Variants in POU6F2 observed in about 807,000 individuals in gnomAD.
The protein encoded by POU6F2 is POU class 6 homeobox 2.
POU6F2 carries 31 observed loss-of-function variants against 71.3 expected under a neutral mutation model. The ratio of observed to expected loss-of-function variants is 0.43; its 90% CI spans 0.33 to 0.59. The LOEUF is 0.59. Ranked by LOEUF, POU6F2 falls within the 20% of genes least tolerant of loss-of-function variation. POU6F2 has a pLI of 0.04. For missense variants in POU6F2, 783 were observed against 856.8 expected, an observed-to-expected ratio of 0.91 and a Z score of 1.07; for synonymous variants, 347 against 355.7, an observed-to-expected ratio of 0.98 and a Z score of 0.27.
At chr7:39,099,770 T>C (rs527984278) in intron 2 of POU6F2, among the ~76,000 whole-genome samples, 20 of 152,286 alleles carry the variant, frequency 1.3e-4, no homozygotes, top group African/African-American at 4.6e-4. Flanking sequence ...CATGGTGGTG[T>C]TTAATAATGA....
rs185059281 is a variant in POU6F2, at chr7:39,220,317, A to G, written c.598+12697A>G. On this transcript the variant is annotated intron_variant, in intron 4 of 9. Coordinates refer to ENST00000518318, the MANE Select transcript of POU6F2 (RefSeq NM_001370959.1). ...AGACAAAAGAATCTAAGATGGCAGTAGCATACCAAGCTAAATTATATCAGT... is the reference window on the plus strand; with the variant it reads ...AGACAAAAGAATCTAAGATGGCAGTGGCATACCAAGCTAAATTATATCAGT... 2.2e-3 allele frequency among the ~76,000 whole-genome samples: 332 copies of G among 152,340 alleles called. 2 individuals carry two copies. The highest frequency in any genetic ancestry group is 0.015 in the South Asian group (72 of 4,828).
At chr7:39,087,368 T>C (rs1045074736) in intron 2 of POU6F2, among the ~76,000 whole-genome samples, 1 of 152,130 alleles carries the variant, frequency 6.6e-6, no homozygotes, top group Admixed American at 6.6e-5. Flanking sequence ...TGTTTTATGC[T>C]TAACAATATA....
At chr7:39,360,532 C>T (rs549652021) in intron 5 of POU6F2, among the ~76,000 whole-genome samples, 14 of 152,300 alleles carry the variant, frequency 9.2e-5, no homozygotes, top group East Asian at 1.9e-4. Context: ...TAAAATATCA[C>T]GTAGGGCACT....
intron 6 of POU6F2, among the ~76,000 whole-genome samples, chr7:39,421,463 C>T (rs1252608906): frequency 3.3e-5 from 5 of 152,110 alleles, no homozygotes; most frequent in Admixed American, 6.6e-5. Flanking sequence ...TGGCACGCTT[C>T]GTTCCCCACC....
intron 4 of POU6F2, among the ~76,000 whole-genome samples, chr7:39,310,884 G>A (rs1340260932): frequency 6.6e-6 from 1 of 152,140 alleles, no homozygotes; most frequent in Non-Finnish European, 1.5e-5. Flanking sequence ...AGACAGAGGT[G>A]AAGAGCTGCT....
intron 4 of POU6F2, among the ~76,000 whole-genome samples, chr7:39,214,812 A>G (rs757255523): frequency 4.6e-5 from 7 of 152,220 alleles, no homozygotes; most frequent in Non-Finnish European, 4.4e-5. Context: ...TGTCTGTTCA[A>G]TGAAAATTGG....
At chr7:39,083,619 C>T (rs1268684216) in intron 1 of POU6F2, 1 of 152,050 alleles carries the variant, frequency 6.6e-6, no homozygotes, top group East Asian at 1.9e-4. Context: ...CTGCCTCCCC[C>T]ATCTACCCCA....
chr7:39,348,414 G>A (rs897469024), intron 5 of POU6F2, among the ~76,000 whole-genome samples: 3 of 152,214 alleles, frequency 2.0e-5, no homozygotes, highest in East Asian at 1.9e-4. Context: ...TCTAACTGGA[G>A]TAACCATGAT....
At chr7:39,357,596 G>T (rs1583548344) in intron 5 of POU6F2, among the ~76,000 whole-genome samples, 1 of 152,004 alleles carries the variant, frequency 6.6e-6, no homozygotes, top group Admixed American at 6.6e-5. Context: ...ATAAATTATT[G>T]GGCCTTTTAC....
At chr7:39,269,625 T>A (rs918950164) in intron 4 of POU6F2, among the ~76,000 whole-genome samples, 1 of 152,374 alleles carries the variant, frequency 6.6e-6, no homozygotes, top group Middle Eastern at 3.4e-3. Flanking sequence ...AGAATCTGCC[T>A]TCCCAGGTGC....
intron 2 of POU6F2, among the ~76,000 whole-genome samples, chr7:39,137,353 G>A (rs1792408319): frequency 6.6e-6 from 1 of 152,050 alleles, no homozygotes; most frequent in South Asian, 2.1e-4. Context: ...CAAGGGACAT[G>A]TCAAATAAAT....
intron 1 of POU6F2, among the ~76,000 whole-genome samples, chr7:38,985,193 C>T (rs142425249): frequency 1.1e-4 from 17 of 152,108 alleles, no homozygotes; most frequent in Non-Finnish European, 1.6e-4. Context: ...GACTATGGCA[C>T]GCCAAACTTG....
At chr7:39,251,186 A>G (rs1488589025) in intron 4 of POU6F2, among the ~76,000 whole-genome samples, 1 of 152,164 alleles carries the variant, frequency 6.6e-6, no homozygotes, top group African/African-American at 2.4e-5. Context: ...GGGCTCTATC[A>G]TTTTTAATTC....
chr7:39,165,856 C>G (rs555696959), intron 2 of POU6F2, among the ~76,000 whole-genome samples: 1 of 152,296 alleles, frequency 6.6e-6, no homozygotes, highest in African/African-American at 2.4e-5. Flanking sequence ...TAGGAACTGA[C>G]CAGCCACACA....
intron 1 of POU6F2, among the ~76,000 whole-genome samples, chr7:39,001,350 G>A (rs1381799313): frequency 1.3e-5 from 2 of 151,916 alleles, no homozygotes; most frequent in South Asian, 4.2e-4. Flanking sequence ...TCGAGTACTT[G>A]TTATGGGTCA....
At chr7:39,068,565 A>G (rs895480558) in intron 1 of POU6F2, among the ~76,000 whole-genome samples, 5 of 151,898 alleles carry the variant, frequency 3.3e-5, no homozygotes, top group African/African-American at 7.3e-5. Flanking sequence ...CAGGGAAAAT[A>G]TGGCTTTAAA....
At chr7:39,043,771 G>A (rs946661980) in intron 1 of POU6F2, among the ~76,000 whole-genome samples, 1 of 151,870 alleles carries the variant, frequency 6.6e-6, no homozygotes, top group African/African-American at 2.4e-5. Context: ...ACCTGGCATG[G>A]ACTTGGTTTT....
chr7:39,385,170 A>G (rs1040898841), intron 5 of POU6F2, among the ~76,000 whole-genome samples: 2 of 152,244 alleles, frequency 1.3e-5, no homozygotes, highest in African/African-American at 2.4e-5. Context: ...ATAATTGCTA[A>G]TTAAATTTAA....
intron 4 of POU6F2, among the ~76,000 whole-genome samples, chr7:39,311,504 G>A (rs1785164654): frequency 6.6e-6 from 1 of 152,202 alleles, no homozygotes; most frequent in African/African-American, 2.4e-5. Flanking sequence ...ATTTTTGTCT[G>A]TTTTTATCGC....
Sources: allele counts gnomAD v4.1 joint callset (sites outside exome capture counted in the v4.1 genomes callset), GRCh38; gene constraint gnomAD v4.1.1; transcripts MANE v1.5; gene names NCBI Gene and HGNC (gene_info 2026-07-23, HGNC 2026-07-21).